HERC5: variants seen among roughly 807,000 people sequenced by gnomAD.
The protein encoded by HERC5 is HECT and RLD domain containing E3 ubiquitin protein ligase 5.
Under a neutral mutation model 119.6 loss-of-function variants are expected in HERC5, and 99 were observed. The ratio of observed to expected loss-of-function variants is 0.83; its 90% CI spans 0.70 to 0.98. HERC5 has a LOEUF of 0.98. HERC5 is among the 50% of genes least tolerant of loss of function. The pLI is 0.00. For missense variants in HERC5, 1,267 were observed against 1,241.3 expected, an observed-to-expected ratio of 1.02 and a Z score of -0.31; for synonymous variants, 478 against 445.9, an observed-to-expected ratio of 1.07 and a Z score of -0.91.
In HERC5 at chr4:88,480,637, C is replaced by G. The variant is rs1741248999; in HGVS notation, c.1737+1130C>G. ...TGACAAACTTCTAAAGCAGTTGGACCAATTTAAATTCTCTCCAGATGATGA... is the reference window on the plus strand; with the variant it reads ...TGACAAACTTCTAAAGCAGTTGGACGAATTTAAATTCTCTCCAGATGATGA... On this transcript the variant is annotated intron_variant, in intron 13 of 22. Transcript: ENST00000264350. Among the ~76,000 whole-genome samples, 4 of 152,096 alleles carry G rather than the reference C, an allele frequency of 2.6e-5. No individual in the cohort carries two copies. The South Asian group carries it at 8.3e-4, about 32-fold the overall frequency.
intron 18 of HERC5, among the ~76,000 whole-genome samples, chr4:88,499,105 G>A (rs1039465177): frequency 2.0e-5 from 3 of 152,112 alleles, no homozygotes; most frequent in African/African-American, 7.2e-5. Flanking sequence ...ATTTAACTGT[G>A]CTCTTTTAAG....
At chr4:88,460,745 T>A (rs1421557946) in intron 3 of HERC5, among the ~76,000 whole-genome samples, 1 of 152,124 alleles carries the variant, frequency 6.6e-6, no homozygotes, top group Non-Finnish European at 1.5e-5. Context: ...TCCCAGCACT[T>A]TGGGAGGCTG....
chr4:88,485,858 A>C (rs372368706), intron 13 of HERC5, among the ~76,000 whole-genome samples: 1 of 152,016 alleles, frequency 6.6e-6, no homozygotes, highest in Non-Finnish European at 1.5e-5. Context: ...TCCTATTGAA[A>C]GTTCTTTAAA....
At chr4:88,490,781 G>T (rs1560611496) in intron 16 of HERC5, among the ~76,000 whole-genome samples, 1 of 152,150 alleles carries the variant, frequency 6.6e-6, no homozygotes, top group Non-Finnish European at 1.5e-5. Context: ...GGAGGTGGAG[G>T]TTGCAGTGAG....
chr4:88,457,805 C>T, intron 1 of HERC5: 1 of 749,410 alleles, frequency 1.3e-6, no homozygotes. Flanking sequence ...CCGTCTTCAT[C>T]CTTTTAGCCA....
intron 14 of HERC5, 116 bp downstream of exon 14, chr4:88,486,344 C>CCTG: frequency 1.7e-6 from 1 of 600,064 alleles, no homozygotes; most frequent in Non-Finnish European, 2.9e-6. Flanking sequence ...AACATTAAGA[C>CCTG]TCCTCAAAAT....
chr4:88,491,971 T>G (rs1319604552), intron 16 of HERC5, among the ~76,000 whole-genome samples: 1 of 152,074 alleles, frequency 6.6e-6, no homozygotes, highest in East Asian at 1.9e-4. Flanking sequence ...ACCTTATGTG[T>G]GCTCTGGTTT....
At position 88,485,854 on chromosome 4, in the gene HERC5, T is replaced by TG. The variant is rs1325728570; in HGVS notation, c.1738-260dup. Among the ~76,000 whole-genome samples, 4 of 152,184 alleles carry TG rather than the reference T, an allele frequency of 2.6e-5. No individual in the cohort carries two copies. In the East Asian group the frequency reaches 7.7e-4, roughly 29 times the overall value. On this transcript the variant is annotated intron_variant, in intron 13 of 22. Coordinates refer to ENST00000264350, the MANE Select transcript of HERC5 (RefSeq NM_016323.4). ...GCATTGTTTTTTTTTTTCTTCCTATTGAAAGTTCTTTAAAAATTTCCTATG... is the reference window on the plus strand; with the variant it reads ...GCATTGTTTTTTTTTTTCTTCCTATTGGAAAGTTCTTTAAAAATTTCCTATG...
chr4:88,471,116 A>G (rs556927380), intron 10 of HERC5, among the ~76,000 whole-genome samples: 3 of 150,848 alleles, frequency 2.0e-5, no homozygotes, highest in South Asian at 4.2e-4. Flanking sequence ...CTTCAGACAC[A>G]TGGCACTACA....
At chr4:88,458,708 C>T (rs1056266298) in intron 1 of HERC5, among the ~76,000 whole-genome samples, 2 of 152,104 alleles carry the variant, frequency 1.3e-5, no homozygotes, top group Non-Finnish European at 2.9e-5. Flanking sequence ...CCAAAACTAT[C>T]CTAGTTTAAT....
intron 18 of HERC5, 149 bp from the exon 19 acceptor site, chr4:88,499,777 T>C: frequency 1.9e-6 from 1 of 531,270 alleles, no homozygotes; most frequent in Non-Finnish European, 3.3e-6. Flanking sequence ...TGGCCCTGTT[T>C]AGACTATCAG....
intron 16 of HERC5, among the ~76,000 whole-genome samples, chr4:88,490,621 A>C (rs1158373541): frequency 6.6e-6 from 1 of 152,166 alleles, no homozygotes; most frequent in African/African-American, 2.4e-5. Flanking sequence ...AGGTGGGCAG[A>C]TCACCTGAGG....
At chr4:88,463,098 C>T (rs768966920) in intron 4 of HERC5, among the ~76,000 whole-genome samples, 1 of 152,168 alleles carries the variant, frequency 6.6e-6, no homozygotes, top group Non-Finnish European at 1.5e-5. Context: ...CATTAAACTA[C>T]TTTGGCTGAA....
chr4:88,493,678 C>G (rs1385187929), intron 17 of HERC5, among the ~76,000 whole-genome samples: 1 of 152,088 alleles, frequency 6.6e-6, no homozygotes, highest in Admixed American at 6.6e-5. Context: ...ATGATCTTAA[C>G]TCACTGCAAC....
intron 4 of HERC5, among the ~76,000 whole-genome samples, chr4:88,463,224 C>G (rs953630661): frequency 2.0e-5 from 3 of 152,172 alleles, no homozygotes; most frequent in African/African-American, 7.2e-5. Flanking sequence ...AAAAGTAATT[C>G]TAGATGGCTG....
At chr4:88,487,652 G>T (rs1741512319) in intron 15 of HERC5, among the ~76,000 whole-genome samples, 1 of 152,134 alleles carries the variant, frequency 6.6e-6, no homozygotes, top group African/African-American at 2.4e-5. Context: ...CCATAAAAGA[G>T]GTTTGTACAG....
At chr4:88,475,711 A>C in intron 11 of HERC5, 130 bp from the exon 12 acceptor site, 1 of 787,126 alleles carries the variant, frequency 1.3e-6, no homozygotes, top group Non-Finnish European at 2.1e-6. Flanking sequence ...GGGTTTTAGA[A>C]AACTCAATGA....
chr4:88,475,813 C>T, intron 11 of HERC5, 28 bp from the exon 12 acceptor site: 1 of 1,603,346 alleles, frequency 6.2e-7, no homozygotes, highest in African/African-American at 1.3e-5. Flanking sequence ...GTTTTGAATC[C>T]CTTTTCCCTG....
intron 18 of HERC5, among the ~76,000 whole-genome samples, chr4:88,495,880 A>G (rs911638391): frequency 6.6e-6 from 1 of 152,254 alleles, no homozygotes; most frequent in African/African-American, 2.4e-5. Context: ...AACAATGTAC[A>G]TGAACTAAAA....
Sources: allele counts gnomAD v4.1 joint callset (sites outside exome capture counted in the v4.1 genomes callset), GRCh38; gene constraint gnomAD v4.1.1; transcripts MANE v1.5; gene names NCBI Gene and HGNC (gene_info 2026-07-23, HGNC 2026-07-21).